RSU1: variants seen among roughly 807,000 people sequenced by gnomAD.
RSU1 encodes the protein rsu-1.
In RSU1, 26 loss-of-function variants were observed where a neutral mutation model predicts 31.1. The ratio of observed to expected loss-of-function variants is 0.84; its 90% CI spans 0.61 to 1.16. RSU1 has a LOEUF of 1.16. RSU1 is among the 50% of genes most tolerant of loss of function. The pLI, the probability that RSU1 is intolerant of heterozygous loss-of-function variation, is 0.00. For synonymous variants in RSU1, 164 were observed against 136.3 expected (o/e 1.20, Z -1.41); for missense variants, 320 against 339.1 (o/e 0.94, Z 0.44).
chr10:16,795,747 G>GT lies in RSU1; in HGVS notation c.110-13664dup, dbSNP rs201708850. Among the ~76,000 whole-genome samples the GT allele has an allele frequency of 7.1e-3, 1,082 of 152,238 alleles. 43 individuals carry two copies. Among genetic ancestry groups the GT allele is most frequent in the Admixed American group, 0.066 (1,016 of 15,294 alleles). On this transcript the variant is annotated intron_variant, in intron 2 of 8. Transcript: ENST00000345264. ...GACAAGGAGTTTAAGTACACAGGTT[G>GT]TTTTTTTGCCAAAGTTAAGACATGA... is the stretch of plus-strand genomic sequence containing the variant.
intron 4 of RSU1, among the ~76,000 whole-genome samples, chr10:16,756,838 T>G (rs1837096375): frequency 6.9e-6 from 1 of 145,278 alleles, no homozygotes; most frequent in Admixed American, 7.0e-5. Context: ...TGTGTGTGTG[T>G]GGTATTGTGT....
intron 8 of RSU1, among the ~76,000 whole-genome samples, chr10:16,599,711 T>G (rs917548822): frequency 1.3e-5 from 2 of 152,240 alleles, no homozygotes; most frequent in African/African-American, 2.4e-5. Context: ...CAGCTGCCGC[T>G]TCTAACCTCT....
intron 2 of RSU1, among the ~76,000 whole-genome samples, chr10:16,791,640 A>C (rs907946503): frequency 1.6e-4 from 25 of 151,978 alleles, no homozygotes; most frequent in Non-Finnish European, 2.6e-4. Context: ...AAAAACAAAA[A>C]AAAAAAAAAA....
rs61844021 is a variant in RSU1, at chr10:16,814,250, G to A, written c.109+2723C>T. ...AGCCCAGGAGTTTGAGGCCAGCCTG[G>A]GCAGCATAGCAAGACCCCATCTCTA... On this transcript the variant is annotated intron_variant, in intron 2 of 8. Coordinates refer to ENST00000345264, the MANE Select transcript of RSU1 (RefSeq NM_012425.4). Among the ~76,000 whole-genome samples the A allele has an allele frequency of 4.6e-3, 706 of 152,060 alleles. 5 individuals are homozygous for A. The highest frequency in any genetic ancestry group is 0.041 in the Middle Eastern group (12 of 292).
chr10:16,808,201 G>A (rs1246922764), intron 2 of RSU1, among the ~76,000 whole-genome samples: 1 of 151,908 alleles, frequency 6.6e-6, no homozygotes, highest in Non-Finnish European at 1.5e-5. Flanking sequence ...ACTCCAACCG[G>A]GCGCAGTGGC....
intron 2 of RSU1, among the ~76,000 whole-genome samples, chr10:16,798,595 G>C (rs1838087618): frequency 6.6e-6 from 1 of 152,068 alleles, no homozygotes; most frequent in Non-Finnish European, 1.5e-5. Context: ...GTTTCCTGAG[G>C]TCTCCCCAAC....
chr10:16,699,283 C>A (rs966924292), intron 7 of RSU1, among the ~76,000 whole-genome samples: 14 of 152,198 alleles, frequency 9.2e-5, no homozygotes, highest in Admixed American at 2.0e-4. Context: ...TGTAGCGCTG[C>A]AACCCTCCCA....
chr10:16,596,248 C>T (rs1833610456), intron 8 of RSU1, among the ~76,000 whole-genome samples: 1 of 152,188 alleles, frequency 6.6e-6, no homozygotes, highest in Non-Finnish European at 1.5e-5. Flanking sequence ...AGGGGCTCTG[C>T]AGGTGTCGAA....
At chr10:16,752,437 G>C in intron 7 of RSU1, 102 bp downstream of exon 7, 2 of 801,166 alleles carry the variant, frequency 2.5e-6, no homozygotes, top group Admixed American at 2.0e-5. Context: ...CCTAGGTGGA[G>C]AGTAGTTGCC....
intron 7 of RSU1, among the ~76,000 whole-genome samples, chr10:16,735,541 T>G (rs1836608666): frequency 6.6e-6 from 1 of 152,226 alleles, no homozygotes; most frequent in South Asian, 2.1e-4. Context: ...GGGCAATGTA[T>G]TAGTCCATTC....
intron 2 of RSU1, 136 bp downstream of exon 2, chr10:16,816,837 C>T: frequency 1.6e-6 from 1 of 643,914 alleles, no homozygotes; most frequent in South Asian, 1.8e-5. Flanking sequence ...CTGCGCGAAG[C>T]CCCTGACAAG....
chr10:16,755,421 CCTTTT>C (rs1564345500), intron 4 of RSU1, among the ~76,000 whole-genome samples: 2 of 150,364 alleles, frequency 1.3e-5, no homozygotes, highest in Non-Finnish European at 3.0e-5. Flanking sequence ...CCATGCCCAT[CCTTTT>C]TTTTTTTTAA....
rs567142838 is a variant in RSU1 at position 16,781,787 on chromosome 10, G to C, written c.160+247C>G. On this transcript the variant is annotated intron_variant, in intron 3 of 8. Coordinates refer to ENST00000345264, the MANE Select transcript of RSU1 (RefSeq NM_012425.4). Reference sequence around the variant, plus strand: ...CGATCGCTTGAGCCCAGGAGTTCAAGACCAACCTGGGTAACACGGCAAGAC... The same window carrying C: ...CGATCGCTTGAGCCCAGGAGTTCAACACCAACCTGGGTAACACGGCAAGAC... 2.0e-5 allele frequency among the ~76,000 whole-genome samples: 3 copies of C among 152,170 alleles called. 1 individual carries two copies. The highest frequency in any genetic ancestry group is 4.8e-5 in the African/African-American group (2 of 41,446).
intron 7 of RSU1, among the ~76,000 whole-genome samples, chr10:16,700,280 C>T (rs1200690822): frequency 6.6e-6 from 1 of 151,968 alleles, no homozygotes; most frequent in Non-Finnish European, 1.5e-5. Context: ...TTAATGCACT[C>T]CAAAAGCCAC....
chr10:16,642,372 G>A (rs966431961), intron 8 of RSU1, among the ~76,000 whole-genome samples: 2 of 152,174 alleles, frequency 1.3e-5, no homozygotes, highest in Admixed American at 6.5e-5. Context: ...GGCAGAAACT[G>A]CACCAATGCC....
At chr10:16,722,935 T>C (rs1330847880) in intron 7 of RSU1, among the ~76,000 whole-genome samples, 11 of 149,778 alleles carry the variant, frequency 7.3e-5, no homozygotes, top group South Asian at 2.1e-4. Flanking sequence ...TATACACACA[T>C]ATACATATAT....
At position 16,592,531 on chromosome 10, in the gene RSU1, C is replaced by G. The variant is rs74125978; in HGVS notation, c.*863G>C. ...AGTCGCTTAGAAGAATGCTTCGATGCGAGCAGATTTTCCGCCGTGACAAAA... is the reference window on the plus strand; with the variant it reads ...AGTCGCTTAGAAGAATGCTTCGATGGGAGCAGATTTTCCGCCGTGACAAAA... On this transcript the variant is annotated 3_prime_UTR_variant, in exon 9 of 9. Transcript: ENST00000345264. 2.0e-5 allele frequency: 3 copies of G among 152,112 alleles called. No homozygotes were observed. The highest frequency in any genetic ancestry group is 2.4e-5 in the African/African-American group (1 of 41,414). 9.4% of individuals were successfully genotyped at this position (152,112 alleles called of 1,614,324 possible). A position where few individuals can be genotyped will look rare whatever the true frequency, so the allele number is the denominator to read the frequency against.
At chr10:16,676,984 T>C (rs540541740) in intron 8 of RSU1, among the ~76,000 whole-genome samples, 2 of 152,302 alleles carry the variant, frequency 1.3e-5, no homozygotes, top group South Asian at 4.2e-4. Context: ...TTAGGGACCC[T>C]TGAATGTCGC....
intron 8 of RSU1, among the ~76,000 whole-genome samples, chr10:16,654,793 T>G (rs1465056262): frequency 1.3e-5 from 2 of 151,946 alleles, no homozygotes; most frequent in Non-Finnish European, 2.9e-5. Context: ...GCATAGTGGC[T>G]CATGCCTATA....
Sources: gnomAD v4.1 joint callset for allele counts (sites outside exome capture counted in the v4.1 genomes callset) on GRCh38, gnomAD v4.1.1 for gene constraint, MANE v1.5 for transcripts, NCBI Gene and HGNC (gene_info 2026-07-23, HGNC 2026-07-21) for gene names.